Variants in HNRNPUL1 observed in about 807,000 individuals in gnomAD.
HNRNPUL1 encodes the protein heterogeneous nuclear ribonucleoprotein U-like protein 1.
HNRNPUL1 carries 14 observed loss-of-function variants against 108.5 expected under a neutral mutation model. The ratio of observed to expected loss-of-function variants is 0.13; its 90% CI spans 0.09 to 0.20. HNRNPUL1 has a LOEUF of 0.20. Ranked by LOEUF, HNRNPUL1 falls within the 10% of genes least tolerant of loss-of-function variation. The pLI is 1.00. For missense variants in HNRNPUL1, 804 were observed against 1,168.3 expected (o/e 0.69, Z 4.55); for synonymous variants, 422 against 445.2 (o/e 0.95, Z 0.66).
chr19:41,305,636 T>C, intron 13 of HNRNPUL1, 40 bp from the exon 14 acceptor site: 1 of 1,613,324 alleles, frequency 6.2e-7, no homozygotes. Context: ...AGATTTCCTC[T>C]ATTTCACAGA....
chr19:41,281,240 A>G lies in HNRNPUL1; in HGVS notation c.964A>G (p.Lys322Glu), dbSNP rs779317116. The G allele has an allele frequency of 6.2e-7, 1 of 1,614,054 alleles. No homozygotes were observed. ...TAGCCGGTTTGAAAACTACGGAGAC[A>G]AGTTTGCAGAGAACGATGTGATTGG... ...TNSRFENYGD[K>E]FAENDVIGCF... The change falls in exon 7 of 15, where the codon AAG (lysine) becomes GAG (glutamate). Residue 322 changes from lysine to glutamate, a missense_variant. This residue lies in a region of HNRNPUL1 where 174 missense variants were observed against 296.6 expected (regional missense o/e 0.59). Coordinates refer to ENST00000392006, the MANE Select transcript of HNRNPUL1 (RefSeq NM_007040.6).
chr19:41,293,656 C>T (rs1470913456), intron 8 of HNRNPUL1, among the ~76,000 whole-genome samples: 2 of 152,200 alleles, frequency 1.3e-5, no homozygotes, highest in African/African-American at 4.8e-5. Flanking sequence ...AGTCCCAGTA[C>T]ACAGCCTTCC....
chr19:41,272,336 A>G, intron 3 of HNRNPUL1, 101 bp downstream of exon 3: 5 of 1,164,634 alleles, frequency 4.3e-6, no homozygotes, highest in Non-Finnish European at 6.1e-6. Flanking sequence ...GGGGCTGAGT[A>G]AAGATTCCCT....
chr19:41,270,865 G>T (rs1176722519), intron 2 of HNRNPUL1, among the ~76,000 whole-genome samples: 1 of 152,098 alleles, frequency 6.6e-6, no homozygotes, highest in Non-Finnish European at 1.5e-5. Flanking sequence ...AGAGTGCTGG[G>T]ATTACAGGTG....
At chr19:41,283,967 T>G (rs558242729) in intron 7 of HNRNPUL1, among the ~76,000 whole-genome samples, 1 of 152,374 alleles carries the variant, frequency 6.6e-6, no homozygotes, top group African/African-American at 2.4e-5. Context: ...GTGAGCTCAA[T>G]TGTTGCAAGT....
At chr19:41,275,940 T>C (rs1050943661) in intron 4 of HNRNPUL1, among the ~76,000 whole-genome samples, 2 of 151,952 alleles carry the variant, frequency 1.3e-5, no homozygotes, top group Non-Finnish European at 2.9e-5. Context: ...CTATCTCTAC[T>C]AAAAAATACA....
At chr19:41,267,455 C>T (rs1481313587) in intron 1 of HNRNPUL1, among the ~76,000 whole-genome samples, 1 of 152,194 alleles carries the variant, frequency 6.6e-6, no homozygotes. Flanking sequence ...CTCTCCCTTA[C>T]TTGCTACAAC....
intron 7 of HNRNPUL1, among the ~76,000 whole-genome samples, chr19:41,285,497 G>A (rs1426789930): frequency 6.6e-6 from 1 of 152,082 alleles, no homozygotes; most frequent in African/African-American, 2.4e-5. Context: ...GAGACACCAT[G>A]CCCAGCAAAT....
chr19:41,298,294 G>A (rs1023385203), intron 10 of HNRNPUL1, among the ~76,000 whole-genome samples: 1 of 152,162 alleles, frequency 6.6e-6, no homozygotes, highest in African/African-American at 2.4e-5. Flanking sequence ...CAGGGTTCAG[G>A]GAACACAGAC....
At position 41,264,705 on chromosome 19, in the gene HNRNPUL1, G is replaced by C; in HGVS notation, c.202G>C (p.Gly68Arg). The C allele has an allele frequency of 1.3e-6, 2 of 1,540,174 alleles. No individual in the cohort carries two copies. Among genetic ancestry groups the C allele is most frequent in the Non-Finnish European group, 8.7e-7 (1 of 1,147,062 alleles). ...CATCAACGAGGAGGTCGAGACCGAG[G>C]GGGGCTCCGAGCTGGAGGGGACCGC... ...GHINEEVETE[G>R]GSELEGTAQP... Residue 68 changes from glycine (G) to arginine (R), a missense_variant, in exon 1 of 15, where the codon GGG becomes CGG. Around this residue, in one of 4 missense-constraint regions of HNRNPUL1, gnomAD observed 256 missense variants for 261.6 expected, o/e 0.98. Coordinates refer to ENST00000392006, the MANE Select transcript of HNRNPUL1 (RefSeq NM_007040.6).
intron 1 of HNRNPUL1, chr19:41,265,386 G>A (rs1373008072): frequency 6.6e-7 from 1 of 1,514,658 alleles, no homozygotes; most frequent in Non-Finnish European, 8.8e-7. Context: ...GGTGTCTGTG[G>A]CTGGGGAGGG....
chr19:41,287,662 C>T (rs996945041), intron 7 of HNRNPUL1, among the ~76,000 whole-genome samples: 1 of 151,998 alleles, frequency 6.6e-6, no homozygotes, highest in Admixed American at 6.6e-5. Context: ...CAGGTTCAAA[C>T]GATTCTCCAG....
At chr19:41,281,079 T>C in intron 6 of HNRNPUL1, 84 bp from the exon 7 acceptor site, 1 of 862,024 alleles carries the variant, frequency 1.2e-6, no homozygotes, top group Non-Finnish European at 1.9e-6. Context: ...GATTTTTTTC[T>C]TCAAAAATAA....
At chr19:41,301,243 G>A (rs981406586) in intron 10 of HNRNPUL1, among the ~76,000 whole-genome samples, 1 of 152,116 alleles carries the variant, frequency 6.6e-6, no homozygotes, top group Non-Finnish European at 1.5e-5. Context: ...TTTTAGAATA[G>A]GGAAAAGAAA....
chr19:41,265,404 G>A (rs2034769358), intron 1 of HNRNPUL1: 1 of 1,496,332 alleles, frequency 6.7e-7, no homozygotes, highest in African/African-American at 1.4e-5. Context: ...GGGTCCTAAT[G>A]GACTCAGTGC....
Position 41,264,548 on chromosome 19 carries a change from G to T in HNRNPUL1, c.45G>T (p.Leu15=), listed in dbSNP as rs1391647655. 2.7e-6 allele frequency: 4 copies of T among 1,506,048 alleles called. No homozygotes were observed. The South Asian group carries it at 3.7e-5, about 14-fold the overall frequency. 93.3% of individuals were successfully genotyped at this position (1,506,048 alleles called of 1,614,324 possible). The change falls in exon 1 of 15, where the codon CTG becomes CTT. Residue 15 remains leucine, a synonymous_variant. Coordinates refer to ENST00000392006, the MANE Select transcript of HNRNPUL1 (RefSeq NM_007040.6). ...RLKVNELREE[L]QRRGLDTRGL... ...AGGTGAACGAACTTCGCGAGGAGCT[G>T]CAGCGCCGCGGCCTGGACACTCGAG...
In HNRNPUL1 at chr19:41,307,438, T is replaced by G. The variant is rs557494702; in HGVS notation, c.*873T>G. The G allele has an allele frequency of 1.4e-4, 21 of 152,544 alleles. No individual in the cohort carries two copies. The highest frequency in any genetic ancestry group is 5.1e-4 in the African/African-American group (21 of 41,480). The allele number at this position is 152,544 out of a possible 1,614,324, so 9.4% of individuals were successfully genotyped here. A position where few individuals can be genotyped will look rare whatever the true frequency, so the allele number is the denominator to read the frequency against. ...TGGGTGAGAGGGAAGAAGGGGAGGTTGGGGGGCTCCTTCCCTTCAGAACTT... is the reference window on the plus strand; with the variant it reads ...TGGGTGAGAGGGAAGAAGGGGAGGTGGGGGGGCTCCTTCCCTTCAGAACTT... On this transcript the variant is annotated 3_prime_UTR_variant, in exon 15 of 15. Coordinates refer to ENST00000392006, the MANE Select transcript of HNRNPUL1 (RefSeq NM_007040.6).
intron 7 of HNRNPUL1, among the ~76,000 whole-genome samples, chr19:41,288,098 G>A (rs1599817657): frequency 1.3e-5 from 2 of 151,864 alleles, no homozygotes; most frequent in South Asian, 2.1e-4. Flanking sequence ...AATGTAAAAG[G>A]GGATACAGTG....
At position 41,294,312 on chromosome 19, in the gene HNRNPUL1, A is replaced by G. The variant is rs767930128; in HGVS notation, c.1267-26A>G. The G allele has an allele frequency of 6.2e-7, 1 of 1,612,654 alleles. No homozygotes were observed. The highest frequency in any genetic ancestry group is 1.1e-5 in the South Asian group (1 of 90,960). On this transcript the variant is annotated intron_variant, in intron 8 of 14. Transcript: ENST00000392006. The surrounding 1 kb of genome is among the most constrained non-coding windows in gnomAD (Gnocchi z 4.3). Reference sequence around the variant, plus strand: ...AGTGGTGCCATACCACCATGCCGCAACACCTTCCCTGTCTTGTTCTTGTAG... The same window carrying G: ...AGTGGTGCCATACCACCATGCCGCAGCACCTTCCCTGTCTTGTTCTTGTAG...
Sources: allele counts gnomAD v4.1 joint callset (sites outside exome capture counted in the v4.1 genomes callset), GRCh38; gene constraint gnomAD v4.1.1; regional missense constraint gnomAD v4.1.1; non-coding constraint Gnocchi (gnomAD v3.1); transcripts MANE v1.5; gene names NCBI Gene and HGNC (gene_info 2026-07-23, HGNC 2026-07-21).